ADCY3: variants seen among roughly 807,000 people sequenced by gnomAD.
ADCY3 encodes the protein adenylate cyclase type 3.
In ADCY3, 70 loss-of-function variants were observed where a neutral mutation model predicts 119.4. That is an observed-to-expected ratio of 0.59 (90% CI 0.48 to 0.72). The LOEUF (loss-of-function observed/expected upper bound fraction) is 0.72. Among genes scored for constraint, ADCY3 ranks in the 30% least tolerant of loss-of-function variants. The pLI, the probability that ADCY3 is intolerant of heterozygous loss-of-function variation, is 0.00. For missense variants in ADCY3, 1,238 were observed against 1,541.6 expected (o/e 0.80, Z 3.30); for synonymous variants, 672 against 621.4 (o/e 1.08, Z -1.21).
Position 24,920,235 on chromosome 2 carries a change from C to A in ADCY3, c.-750G>T, listed in dbSNP as rs1235734135. On this transcript the variant is annotated 5_prime_UTR_variant, in exon 1 of 22. Transcript: ENST00000679454. This position sits in a 1 kb window ranked among gnomAD's most constrained non-coding sequence, Gnocchi z 4.5. ...GCCGGCGGCTCCGGGGCCACGCGCG[C>A]TCCAGGCCCCGGGAGGCGGGAGGCG... is the stretch of plus-strand genomic sequence containing the variant. 1.4e-5 allele frequency among the ~76,000 whole-genome samples: 2 copies of A among 143,066 alleles called. No homozygotes were observed. The highest frequency in any genetic ancestry group is 2.0e-4 in the East Asian group (1 of 5,020). The allele number at this position is 143,066 out of a possible 152,430, so 93.9% of individuals were successfully genotyped here.
intron 3 of ADCY3, among the ~76,000 whole-genome samples, chr2:24,870,883 T>C (rs1459725460): frequency 1.3e-5 from 2 of 152,218 alleles, no homozygotes; most frequent in African/African-American, 4.8e-5. Flanking sequence ...ACCTCCACTT[T>C]GCAGATGAGG....
chr2:24,905,654 C>T lies in ADCY3; in HGVS notation c.675+12659G>A, dbSNP rs143519721. ...GAGACATCCTGGAAGAAGCCTGGGGCTGCTCTTCCCTCCCTTGTGGTTGGG... is the reference window on the plus strand; with the variant it reads ...GAGACATCCTGGAAGAAGCCTGGGGTTGCTCTTCCCTCCCTTGTGGTTGGG... On this transcript the variant is annotated intron_variant, in intron 2 of 21. Transcript: ENST00000679454. 2.7e-3 allele frequency among the ~76,000 whole-genome samples: 404 copies of T among 152,320 alleles called. 2 individuals carry two copies. Among genetic ancestry groups the T allele is most frequent in the Non-Finnish European group, 7.2e-4 (49 of 68,026 alleles).
At chr2:24,851,260 A>G (rs1033616041) in intron 3 of ADCY3, among the ~76,000 whole-genome samples, 7 of 152,078 alleles carry the variant, frequency 4.6e-5, no homozygotes, top group Non-Finnish European at 1.0e-4. Context: ...ACACACAGCC[A>G]AAATGGGGGT....
intron 3 of ADCY3, among the ~76,000 whole-genome samples, chr2:24,870,869 C>CA (rs1424616791): frequency 6.6e-6 from 1 of 152,228 alleles, no homozygotes; most frequent in Non-Finnish European, 1.5e-5. Flanking sequence ...AGACAAATGT[C>CA]AATACCTCCA....
rs189358160 is a variant in ADCY3, at chr2:24,868,270, A to G, written c.825+4300T>C. 4.6e-5 allele frequency among the ~76,000 whole-genome samples: 7 copies of G among 152,350 alleles called. No individual in the cohort carries two copies. The East Asian group carries it at 7.7e-4, about 17-fold the overall frequency. Reference sequence around the variant, plus strand: ...AAATATTTTAAATTAAACGACACTGAAAATATGGCATATTAAAACTTGTGA... The same window carrying G: ...AAATATTTTAAATTAAACGACACTGGAAATATGGCATATTAAAACTTGTGA... On this transcript the variant is annotated intron_variant, in intron 3 of 21. Transcript: ENST00000679454.
Position 24,853,025 on chromosome 2 carries a change from T to G in ADCY3, c.826-10641A>C, listed in dbSNP as rs928101786. Among the ~76,000 whole-genome samples, 369 of 64,514 alleles carry G rather than the reference T, an allele frequency of 5.7e-3. 3 individuals are homozygous for G. The highest frequency in any genetic ancestry group is 0.01 in the South Asian group (18 of 1,748). The allele number at this position is 64,514 out of a possible 152,430, so 42.3% of individuals were successfully genotyped here. A position where few individuals can be genotyped will look rare whatever the true frequency, so the allele number is the denominator to read the frequency against. On this transcript the variant is annotated intron_variant, in intron 3 of 21. Coordinates refer to ENST00000679454, the MANE Select transcript of ADCY3 (RefSeq NM_004036.5). ...TGGAGGGTGTGTGTGTGTGTGTGTG[T>G]GTGTGTGTGTGTGTGTGTGTGTGTG... is the stretch of plus-strand genomic sequence containing the variant.
rs1160790209 is a variant in ADCY3 at position 24,898,291 on chromosome 2, C to T, written c.675+20022G>A. ...CGCCACAGAGGCCCCCGGGGAGGCT[C>T]GAGGACCGCCTTTCCATCACCGTGG... On this transcript the variant is annotated intron_variant, in intron 2 of 21. Coordinates refer to ENST00000679454, the MANE Select transcript of ADCY3 (RefSeq NM_004036.5). The surrounding 1 kb of genome is among the most constrained non-coding windows in gnomAD (Gnocchi z 4.3). Among the ~76,000 whole-genome samples the T allele has an allele frequency of 1.3e-5, 2 of 152,074 alleles. No individual in the cohort carries two copies. Among genetic ancestry groups the T allele is most frequent in the East Asian group, 1.9e-4 (1 of 5,172 alleles).
intron 2 of ADCY3, among the ~76,000 whole-genome samples, chr2:24,906,757 G>A (rs927909012): frequency 3.9e-5 from 6 of 152,176 alleles, no homozygotes; most frequent in East Asian, 1.9e-4. Flanking sequence ...CTCCCACCCC[G>A]CTGCCCTCCA....
chr2:24,839,970 C>T lies in ADCY3; in HGVS notation c.1258G>A (p.Val420Met), dbSNP rs1004579539. ...DMRVGVHTGTVLGGVLGQKRW... is the reference protein window; with the variant it reads ...DMRVGVHTGTMLGGVLGQKRW... ...TTCTGGCCCAGGACGCCCCCCAGCACGGTGCCCGTGTGCACCCCCACACGC... is the reference window on the plus strand; with the variant it reads ...TTCTGGCCCAGGACGCCCCCCAGCATGGTGCCCGTGTGCACCCCCACACGC... The change falls in exon 7 of 22, where the codon GTG becomes ATG. Residue 420 changes from valine (V) to methionine (M), a missense_variant. Val to Met is a conservative substitution (Grantham distance 21). Around this residue, in one of 7 missense-constraint regions of ADCY3, gnomAD observed 283 missense variants for 437.2 expected, o/e 0.65. Coordinates refer to ENST00000679454, the MANE Select transcript of ADCY3 (RefSeq NM_004036.5). The T allele has an allele frequency of 6.2e-7, 1 of 1,613,884 alleles. No individual in the cohort carries two copies. The highest frequency in any genetic ancestry group is 8.5e-7 in the Non-Finnish European group (1 of 1,180,026).
chr2:24,845,886 C>T (rs1671599158), intron 3 of ADCY3, among the ~76,000 whole-genome samples: 1 of 152,236 alleles, frequency 6.6e-6, no homozygotes, highest in African/African-American at 2.4e-5. Context: ...TGTGTCCCAG[C>T]CGCTCCAGCC....
intron 2 of ADCY3, among the ~76,000 whole-genome samples, chr2:24,890,593 T>C (rs1197252990): frequency 1.3e-5 from 2 of 152,334 alleles, no homozygotes; most frequent in East Asian, 3.9e-4. Flanking sequence ...CAGAGTTGTT[T>C]ATGACATCAT....
At position 24,819,743 on chromosome 2, in the gene ADCY3, C is replaced by T. The variant is rs1667255738; in HGVS notation, c.*189G>A. The T allele has an allele frequency of 8.0e-6, 5 of 628,836 alleles. No homozygotes were observed. Among genetic ancestry groups the T allele is most frequent in the Non-Finnish European group, 1.4e-5 (5 of 361,046 alleles). 39.0% of individuals were successfully genotyped at this position (628,836 alleles called of 1,614,324 possible). ...GCCTAAGACCCCTATGCTGGGGACA[C>T]TACAGGCACACACAGGAATAGCAGG... On this transcript the variant is annotated 3_prime_UTR_variant, in exon 22 of 22. Transcript: ENST00000679454.
Position 24,827,920 on chromosome 2 carries a change from T to A in ADCY3, c.2414A>T (p.Lys805Met), listed in dbSNP as rs770197739. ...WRPVFDEYDH[K>M]RFREHDLPMV... The stretch of plus-strand genomic sequence containing the variant: ...ATCTTACTCGTGCTCCCGAAAACGC[T>A]TGTGGTCGTATTCATCAAAGACGGG... Residue 805 changes from lysine to methionine, a missense_variant, in exon 14 of 22, where the codon AAG (lysine) becomes ATG (methionine). Around this residue, in one of 7 missense-constraint regions of ADCY3, gnomAD observed 499 missense variants for 571.0 expected, o/e 0.87. Coordinates refer to ENST00000679454, the MANE Select transcript of ADCY3 (RefSeq NM_004036.5). 1 of 1,614,128 alleles carries A rather than the reference T, an allele frequency of 6.2e-7. No individual in the cohort carries two copies. Among genetic ancestry groups the A allele is most frequent in the Non-Finnish European group, 8.5e-7 (1 of 1,180,020 alleles).
At chr2:24,846,549 T>C (rs1402630414) in intron 3 of ADCY3, among the ~76,000 whole-genome samples, 1 of 152,166 alleles carries the variant, frequency 6.6e-6, no homozygotes, top group Non-Finnish European at 1.5e-5. Context: ...TATATCCCCA[T>C]GTATCTGGAA....
chr2:24,823,196 G>GA lies in ADCY3; in HGVS notation c.2883+12dup, dbSNP rs1216494615. The GA allele has an allele frequency of 6.2e-7, 1 of 1,610,888 alleles. No individual in the cohort carries two copies. Among genetic ancestry groups the GA allele is most frequent in the East Asian group, 2.2e-5 (1 of 44,820 alleles). On this transcript the variant is annotated intron_variant, in intron 18 of 21. Transcript: ENST00000679454. ...GCTTCATGGCCAGAGTGCAGGGTGG[G>GA]ATGGGCACTCACAGAGTCAAAATCT...
intron 2 of ADCY3, among the ~76,000 whole-genome samples, chr2:24,910,037 T>C (rs1218659691): frequency 2.6e-5 from 4 of 152,034 alleles, no homozygotes; most frequent in Non-Finnish European, 4.4e-5. Context: ...CAGACATGAG[T>C]AAAGGCTTCT....
At chr2:24,863,336 C>G (rs998295116) in intron 3 of ADCY3, among the ~76,000 whole-genome samples, 3 of 152,174 alleles carry the variant, frequency 2.0e-5, no homozygotes, top group Non-Finnish European at 4.4e-5. Flanking sequence ...AGCCTCCATA[C>G]AGCCTACACT....
chr2:24,877,289 C>T (rs1675831471), intron 2 of ADCY3, among the ~76,000 whole-genome samples: 1 of 152,206 alleles, frequency 6.6e-6, no homozygotes, highest in Non-Finnish European at 1.5e-5. Flanking sequence ...TCACCACCCA[C>T]CCCTCCCCCC....
At chr2:24,912,476 T>C (rs1182147942) in intron 2 of ADCY3, among the ~76,000 whole-genome samples, 1 of 152,206 alleles carries the variant, frequency 6.6e-6, no homozygotes, top group Admixed American at 6.5e-5. Flanking sequence ...CCAATAACCC[T>C]GGCATCCCAG....
Sources: gnomAD v4.1 joint callset for allele counts (sites outside exome capture counted in the v4.1 genomes callset) on GRCh38, gnomAD v4.1.1 for gene constraint, gnomAD v4.1.1 regional missense constraint, Gnocchi (gnomAD v3.1) non-coding constraint, MANE v1.5 for transcripts, NCBI Gene and HGNC (gene_info 2026-07-23, HGNC 2026-07-21) for gene names.